The following MTHFD2 variants were observed in gnomAD, a reference collection of about 807,000 sequenced individuals.
The protein encoded by MTHFD2 is bifunctional methylenetetrahydrofolate dehydrogenase/cyclohydrolase, mitochondrial.
MTHFD2 carries 26 observed loss-of-function variants against 36.8 expected under a neutral mutation model. The ratio of observed to expected loss-of-function variants is 0.71; its 90% CI spans 0.52 to 0.98. MTHFD2 has a LOEUF of 0.98. Ranked by LOEUF, MTHFD2 falls within the 50% of genes least tolerant of loss-of-function variation. The probability of loss-of-function intolerance (pLI) is 0.00; values close to 1 mark genes in which losing one functional copy is unlikely to be tolerated. For synonymous variants in MTHFD2, 164 were observed against 155.2 expected (o/e 1.06, Z -0.42); for missense variants, 373 against 434.0 (o/e 0.86, Z 1.25).
chr2:74,205,391 G>A (rs1428528252), intron 1 of MTHFD2, among the ~76,000 whole-genome samples: 1 of 152,164 alleles, frequency 6.6e-6, no homozygotes, highest in Non-Finnish European at 1.5e-5. Context: ...AGACTGATGT[G>A]AGACTCAGCT....
chr2:74,201,670 TG>T lies in MTHFD2; in HGVS notation c.101+2929del, dbSNP rs554522433. On this transcript the variant is annotated intron_variant, in intron 1 of 7. Transcript: ENST00000394053. ...AATTTTTTCTAAACACATCTGTGAA[TG>T]CATTTAATTCTGGGATAAATGTTAG... 6.6e-5 allele frequency among the ~76,000 whole-genome samples: 10 copies of T among 152,360 alleles called. No homozygotes were observed. In the South Asian group the frequency reaches 2.1e-3, roughly 32 times the overall value.
rs941365345 is a variant in MTHFD2 at position 74,203,627 on chromosome 2, C to CA, written c.102-2070dup. Among the ~76,000 whole-genome samples the CA allele has an allele frequency of 5.3e-5, 8 of 151,284 alleles. No homozygotes were observed. In the East Asian group the frequency reaches 7.8e-4, roughly 15 times the overall value. ...TGGGCAACAGAGCAAGACTCTGTCTCAAAAAAAATAAATAAATAAATTAGC... is the reference window on the plus strand; with the variant it reads ...TGGGCAACAGAGCAAGACTCTGTCTCAAAAAAAAATAAATAAATAAATTAGC... On this transcript the variant is annotated intron_variant, in intron 1 of 7. Coordinates refer to ENST00000394053, the MANE Select transcript of MTHFD2 (RefSeq NM_006636.4).
chr2:74,208,458 C>A (rs1351296117), intron 3 of MTHFD2, 111 bp from the exon 4 acceptor site: 12 of 1,282,748 alleles, frequency 9.4e-6, no homozygotes, highest in Non-Finnish European at 8.7e-6. Flanking sequence ...AAGTACATCT[C>A]AGAGGCAAGC....
chr2:74,209,900 G>C, intron 4 of MTHFD2, 42 bp from the exon 5 acceptor site: 1 of 1,546,256 alleles, frequency 6.5e-7, no homozygotes, highest in Non-Finnish European at 8.8e-7. Flanking sequence ...GTTTTCCTTT[G>C]GACTGGCACT....
intron 7 of MTHFD2, 142 bp from the exon 8 acceptor site, chr2:74,213,937 C>T (rs1694369281): frequency 1.2e-6 from 1 of 820,752 alleles, no homozygotes; most frequent in Non-Finnish European, 1.9e-6. Flanking sequence ...GTTCACAAAA[C>T]CTTGAATGAT....
At chr2:74,201,176 C>G (rs1450202146) in intron 1 of MTHFD2, among the ~76,000 whole-genome samples, 3 of 151,896 alleles carry the variant, frequency 2.0e-5, no homozygotes, top group Non-Finnish European at 2.9e-5. Flanking sequence ...TTAGTAGAGA[C>G]AGGGTTTCAC....
chr2:74,211,436 T>C, intron 6 of MTHFD2, 145 bp downstream of exon 6: 1 of 599,512 alleles, frequency 1.7e-6, no homozygotes, highest in Non-Finnish European at 2.9e-6. Context: ...GAGGATAGAG[T>C]TGTGATTGGA....
chr2:74,211,175 A>C (rs374551996), intron 5 of MTHFD2, 24 bp from the exon 6 acceptor site: 92 of 1,461,796 alleles, frequency 6.3e-5, no homozygotes, highest in Middle Eastern at 2.4e-4. Flanking sequence ...TCAGAAATCA[A>C]GACATCTATT....
chr2:74,199,431 T>C (rs1451525886), intron 1 of MTHFD2, among the ~76,000 whole-genome samples: 2 of 152,086 alleles, frequency 1.3e-5, no homozygotes, highest in Non-Finnish European at 2.9e-5. Context: ...AAAGGGGGAA[T>C]GGAGAGTGAC....
At chr2:74,199,071 C>T (rs1005498555) in intron 1 of MTHFD2, among the ~76,000 whole-genome samples, 1 of 152,346 alleles carries the variant, frequency 6.6e-6, no homozygotes, top group Admixed American at 6.5e-5. Flanking sequence ...CATCAGTTTA[C>T]GCGGAGCCTT....
chr2:74,212,081 C>G (rs567184068), intron 7 of MTHFD2, among the ~76,000 whole-genome samples: 1 of 148,268 alleles, frequency 6.7e-6, no homozygotes, highest in Admixed American at 6.8e-5. Flanking sequence ...TCCCGAGTAG[C>G]TGGGACTCCC....
intron 7 of MTHFD2, among the ~76,000 whole-genome samples, chr2:74,212,236 C>G (rs574276605): frequency 2.2e-5 from 3 of 139,496 alleles, no homozygotes; most frequent in East Asian, 2.1e-4. Flanking sequence ...CCTCTCCCCC[C>G]ACCCCTTTCT....
Position 74,210,785 on chromosome 2 carries a change from G to GTTTTTTTTTTTTTTTT in MTHFD2, c.671-412_671-397dup, listed in dbSNP as rs71406865. On this transcript the variant is annotated intron_variant, in intron 5 of 7. Transcript: ENST00000394053. ...AAACATGGCACAAGCCATTAAGTCA[G>GTTTTTTTTTTTTTTTT]TTTTTTTTTTTTTTTTTCCTGGAGA... is the stretch of plus-strand genomic sequence containing the variant. Among the ~76,000 whole-genome samples, 151 of 132,010 alleles carry GTTTTTTTTTTTTTTTT rather than the reference G, an allele frequency of 1.1e-3. 9 individuals carry two copies. The highest frequency in any genetic ancestry group is 4.2e-3 in the African/African-American group (143 of 34,256). 86.6% of individuals were successfully genotyped at this position (132,010 alleles called of 152,430 possible).
chr2:74,200,033 G>A (rs1209711400), intron 1 of MTHFD2, among the ~76,000 whole-genome samples: 1 of 152,178 alleles, frequency 6.6e-6, no homozygotes, highest in Non-Finnish European at 1.5e-5. Context: ...CAGAACACGC[G>A]TGTAATTTCC....
At chr2:74,208,531 G>A (rs1322027923) in intron 3 of MTHFD2, 38 bp from the exon 4 acceptor site, 1 of 1,606,098 alleles carries the variant, frequency 6.2e-7, no homozygotes. Context: ...TGACTATGCG[G>A]TGGTGATTTA....
intron 1 of MTHFD2, among the ~76,000 whole-genome samples, chr2:74,204,411 C>T (rs1217126997): frequency 1.3e-5 from 2 of 152,142 alleles, no homozygotes; most frequent in Non-Finnish European, 2.9e-5. Context: ...GATTTTTCTT[C>T]TTGCTCCCCA....
Position 74,200,926 on chromosome 2 carries a change from G to GTAC in MTHFD2, c.101+2186_101+2188dup, listed in dbSNP as rs201433103. Among the ~76,000 whole-genome samples the GTAC allele has an allele frequency of 1.0e-2, 1,517 of 152,230 alleles. 26 individuals are homozygous for GTAC. The highest frequency in any genetic ancestry group is 0.033 in the African/African-American group (1,371 of 41,534). On this transcript the variant is annotated intron_variant, in intron 1 of 7. Transcript: ENST00000394053. The stretch of plus-strand genomic sequence containing the variant: ...TACTAATTTCTCATGGAAAATTACA[G>GTAC]TACTGTAAGCTATTGAATTAAAAGG...
intron 7 of MTHFD2, among the ~76,000 whole-genome samples, chr2:74,212,412 A>G (rs1399390209): frequency 6.6e-6 from 1 of 151,660 alleles, no homozygotes; most frequent in Non-Finnish European, 1.5e-5. Flanking sequence ...GACTACAGGC[A>G]TGGGCCACCA....
rs566384673 is a variant in MTHFD2 at position 74,198,638 on chromosome 2, G to A, written c.-4G>A. 31 of 1,605,902 alleles carry A rather than the reference G, an allele frequency of 1.9e-5. No individual in the cohort carries two copies. The African/African-American group carries it at 2.0e-4, about 10-fold the overall frequency. On this transcript the variant is annotated 5_prime_UTR_variant, in exon 1 of 8. Transcript: ENST00000394053. ...CCCTCCCGGCGCAGTCACCGGCGCG[G>A]TCTATGGCTGCGACTTCTCTAATGT...
Sources: gnomAD v4.1 joint callset for allele counts (sites outside exome capture counted in the v4.1 genomes callset) on GRCh38, gnomAD v4.1.1 for gene constraint, MANE v1.5 for transcripts, NCBI Gene and HGNC (gene_info 2026-07-23, HGNC 2026-07-21) for gene names.